The following POLN variants were observed in gnomAD, a reference collection of about 807,000 sequenced individuals.
POLN encodes DNA polymerase nu, also known as DNA polymerase N.
In POLN, 108 loss-of-function variants were observed where a neutral mutation model predicts 113.5. The observed-to-expected ratio is 0.95, with a 90% CI of 0.81 to 1.12. The LOEUF is 1.12. Ranked by LOEUF, POLN falls within the 50% of genes most tolerant of loss-of-function variation. The pLI is 0.00. For missense variants in POLN, 1,097 were observed against 1,077.1 expected (o/e 1.02, Z -0.26); for synonymous variants, 386 against 391.5 (o/e 0.99, Z 0.17).
chr4:2,142,468 G>T (rs1266232050), intron 16 of POLN, among the ~76,000 whole-genome samples: 1 of 152,296 alleles, frequency 6.6e-6, no homozygotes, highest in East Asian at 1.9e-4. Context: ...GTGTAAACAC[G>T]TTCCCTATCC....
chr4:2,138,940 C>CTT (rs112436211), intron 16 of POLN, among the ~76,000 whole-genome samples: 2 of 144,434 alleles, frequency 1.4e-5, no homozygotes, highest in African/African-American at 2.5e-5. Flanking sequence ...ATCACTGTGC[C>CTT]TTTTTTTTTT....
At chr4:2,141,267 C>G (rs1434896107) in intron 16 of POLN, among the ~76,000 whole-genome samples, 2 of 152,220 alleles carry the variant, frequency 1.3e-5, no homozygotes, top group Non-Finnish European at 2.9e-5. Context: ...ATTTTAACCT[C>G]CAGTTTAGAC....
At chr4:2,109,665 C>T (rs956975385) in intron 19 of POLN, among the ~76,000 whole-genome samples, 2 of 151,998 alleles carry the variant, frequency 1.3e-5, no homozygotes, top group Non-Finnish European at 2.9e-5. Flanking sequence ...TTTTCTTTTG[C>T]AGTTTACACT....
intron 16 of POLN, among the ~76,000 whole-genome samples, chr4:2,145,180 T>A (rs1214009194): frequency 1.3e-5 from 2 of 152,120 alleles, no homozygotes; most frequent in Admixed American, 1.3e-4. Context: ...TAAGAGAGAA[T>A]TTGCTATCAT....
chr4:2,168,184 T>C (rs1386201302), intron 13 of POLN, among the ~76,000 whole-genome samples: 2 of 151,992 alleles, frequency 1.3e-5, no homozygotes, highest in East Asian at 1.9e-4. Flanking sequence ...CTACATGTAG[T>C]TGGGGGAGCT....
rs530335133 is a variant in POLN at position 2,072,272 on chromosome 4, C to A, written c.2545G>T (p.Gly849Cys). The change falls in exon 26 of 26, where the codon GGC becomes TGC. Residue 849 changes from glycine to cysteine, a missense_variant. Gly to Cys is a radical substitution (Grantham distance 159). Coordinates refer to ENST00000511885, the MANE Select transcript of POLN (RefSeq NM_181808.4). Reference protein sequence around the residue: ...QVPLKVSLSAGRSWGHLVPLQ... With the variant: ...QVPLKVSLSACRSWGHLVPLQ... ...GGCACCAGGTGTCCCCATGAGCGGC[C>A]GGCACTCAGGCTCACCTTGAGGGGT... 1.4e-5 allele frequency: 22 copies of A among 1,590,172 alleles called. No homozygotes were observed. Among genetic ancestry groups the A allele is most frequent in the Non-Finnish European group, 1.9e-5 (22 of 1,168,270 alleles).
intron 7 of POLN, among the ~76,000 whole-genome samples, chr4:2,186,022 C>T (rs1488516512): frequency 6.6e-6 from 1 of 152,102 alleles, no homozygotes; most frequent in Non-Finnish European, 1.5e-5. Context: ...TATCCCAGAA[C>T]CCAAATATAA....
Position 2,131,242 on chromosome 4 carries a change from T to G in POLN, c.1780A>C (p.Asn594His), listed in dbSNP as rs1481807134. The change falls in exon 17 of 26, where the codon AAT (asparagine) becomes CAT (histidine). Residue 594 changes from asparagine (N) to histidine (H), a missense_variant. Coordinates refer to ENST00000511885, the MANE Select transcript of POLN (RefSeq NM_181808.4). ...GTAAGAAATGAGTTACCTTTAAAAT[T>G]CTTAGGTGTAGTAATCTGAATTGGG... The part of the protein sequence containing the change: ...KHPIQITTPK[N>H]FKGKEDKILT... The G allele has an allele frequency of 3.1e-6, 5 of 1,588,192 alleles. No individual in the cohort carries two copies. The highest frequency in any genetic ancestry group is 4.3e-6 in the Non-Finnish European group (5 of 1,158,224).
At chr4:2,186,129 C>T (rs1189878627) in intron 7 of POLN, among the ~76,000 whole-genome samples, 1 of 152,278 alleles carries the variant, frequency 6.6e-6, no homozygotes, top group Admixed American at 6.5e-5. Context: ...CTGCCAGTCA[C>T]CAAACATGTA....
intron 16 of POLN, among the ~76,000 whole-genome samples, chr4:2,148,347 G>C (rs563346577): frequency 6.6e-6 from 1 of 152,228 alleles, no homozygotes; most frequent in East Asian, 1.9e-4. Flanking sequence ...GTCCCTGATG[G>C]AGAGGAGAGA....
rs139842832 is a variant in POLN, at chr4:2,217,370, T to TA, written c.134-4245dup. Among the ~76,000 whole-genome samples the TA allele has an allele frequency of 2.1e-3, 317 of 152,284 alleles. 1 individual carries two copies. The highest frequency in any genetic ancestry group is 7.3e-3 in the African/African-American group (302 of 41,534). ...TTTTCCTGCCTCCATCAGCTGGTCT[T>TA]AAGGCTGCCCCCGTCAGAAGTACCA... On this transcript the variant is annotated intron_variant, in intron 3 of 25. Coordinates refer to ENST00000511885, the MANE Select transcript of POLN (RefSeq NM_181808.4).
Position 2,103,275 on chromosome 4 carries a change from C to T in POLN, c.1983-7342G>A, listed in dbSNP as rs36087093. Reference sequence around the variant, plus strand: ...ACAAAACCAAAAAAACCAACTAAACCGACTTTCTGGAACTAAAAAATTCAT... The same window carrying T: ...ACAAAACCAAAAAAACCAACTAAACTGACTTTCTGGAACTAAAAAATTCAT... On this transcript the variant is annotated intron_variant, in intron 19 of 25. Transcript: ENST00000511885. Among the ~76,000 whole-genome samples, 163 of 151,888 alleles carry T rather than the reference C, an allele frequency of 1.1e-3. No individual in the cohort carries two copies. In the East Asian group the frequency reaches 0.023, roughly 22 times the overall value.
chr4:2,079,814 A>C, intron 23 of POLN: 1 of 949,718 alleles, frequency 1.1e-6, no homozygotes, highest in Non-Finnish European at 1.3e-6. Context: ...CAAACTCCTG[A>C]CCTCAGGTGA....
chr4:2,182,184 A>G (rs1455053002), intron 7 of POLN, among the ~76,000 whole-genome samples: 3 of 152,216 alleles, frequency 2.0e-5, no homozygotes, highest in African/African-American at 7.2e-5. Context: ...GATACCAACA[A>G]TGGGTGGAAT....
chr4:2,220,839 C>G (rs1413788138), intron 3 of POLN, among the ~76,000 whole-genome samples: 3 of 152,148 alleles, frequency 2.0e-5, no homozygotes, highest in African/African-American at 7.2e-5. Context: ...AAGAAAAAGC[C>G]TGAACAAAAC....
chr4:2,109,626 T>C (rs1321335980), intron 19 of POLN, among the ~76,000 whole-genome samples: 3 of 152,208 alleles, frequency 2.0e-5, no homozygotes, highest in Non-Finnish European at 4.4e-5. Flanking sequence ...TTTATCATTA[T>C]GAAATGTCCC....
At chr4:2,083,652 C>T (rs997207205) in intron 21 of POLN, among the ~76,000 whole-genome samples, 1 of 152,226 alleles carries the variant, frequency 6.6e-6, no homozygotes, top group African/African-American at 2.4e-5. Flanking sequence ...TGGTGATGCT[C>T]GCATGGCACC....
intron 13 of POLN, among the ~76,000 whole-genome samples, chr4:2,161,485 G>A (rs1195529688): frequency 3.9e-5 from 6 of 152,240 alleles, no homozygotes; most frequent in Admixed American, 2.0e-4. Context: ...TTTCTCACCC[G>A]GCCTTAGCTG....
chr4:2,085,182 C>T (rs1730518107), intron 21 of POLN, among the ~76,000 whole-genome samples: 1 of 152,192 alleles, frequency 6.6e-6, no homozygotes, highest in South Asian at 2.1e-4. Flanking sequence ...CATACTCAGA[C>T]ATACATGTAT....
Sources: gnomAD v4.1 joint callset for allele counts (sites outside exome capture counted in the v4.1 genomes callset) on GRCh38, gnomAD v4.1.1 for gene constraint, MANE v1.5 for transcripts, NCBI Gene and HGNC (gene_info 2026-07-23, HGNC 2026-07-21) for gene names.